The following PDZK1 variants were observed in gnomAD, a reference collection of about 807,000 sequenced individuals.
PDZK1 encodes PDZ domain containing 1, also known as Na(+)/H(+) exchange regulatory cofactor NHE-RF3.
A neutral mutation model predicts 38.1 loss-of-function variants in PDZK1; 23 were observed. The ratio of observed to expected loss-of-function variants is 0.60; its 90% CI spans 0.43 to 0.85. PDZK1 has a LOEUF of 0.85. Among genes scored for constraint, PDZK1 ranks in the 40% least tolerant of loss-of-function variants. The pLI is 0.00. For synonymous variants in PDZK1, 98 were observed against 186.2 expected, an observed-to-expected ratio of 0.53 and a Z score of 3.86; for missense variants, 297 against 504.3, an observed-to-expected ratio of 0.59 and a Z score of 3.94.
chr1:145,693,570 C>T (rs892656386), intron 1 of PDZK1, among the ~76,000 whole-genome samples: 2 of 151,996 alleles, frequency 1.3e-5, no homozygotes, highest in African/African-American at 4.8e-5. Context: ...GTCAGGAGAT[C>T]GATACCATCC....
Position 145,676,963 on chromosome 1 carries a change from A to G in PDZK1, c.990+1486T>C, listed in dbSNP as rs1257245502. ...AGGCATTATTCTACATGCTCTGAAT[A>G]TTCCAATTCAACCCTCATAGCCACC... On this transcript the variant is annotated intron_variant, in intron 6 of 8. Transcript: ENST00000417171. 2.0e-5 allele frequency among the ~76,000 whole-genome samples: 3 copies of G among 152,122 alleles called. No individual in the cohort carries two copies. The East Asian group carries it at 5.8e-4, about 29-fold the overall frequency.
chr1:145,699,417 AAACT>A (rs2101931497), intron 1 of PDZK1, among the ~76,000 whole-genome samples: 1 of 152,258 alleles, frequency 6.6e-6, no homozygotes, highest in African/African-American at 2.4e-5. Flanking sequence ...ACTCCATCTC[AAACT>A]AACAAGCCCA....
intron 5 of PDZK1, among the ~76,000 whole-genome samples, chr1:145,680,604 A>G (rs1299236994): frequency 6.6e-6 from 1 of 152,026 alleles, no homozygotes; most frequent in East Asian, 1.9e-4. Flanking sequence ...TTTACATCAC[A>G]AAATACTACC....
intron 1 of PDZK1, among the ~76,000 whole-genome samples, chr1:145,694,729 T>G (rs2101921043): frequency 6.6e-6 from 1 of 151,580 alleles, no homozygotes; most frequent in South Asian, 2.1e-4. Flanking sequence ...AAACCCTGTC[T>G]CTACTAAAAA....
intron 1 of PDZK1, among the ~76,000 whole-genome samples, chr1:145,704,062 C>G (rs912662538): frequency 3.3e-5 from 5 of 152,058 alleles, no homozygotes; most frequent in Admixed American, 2.6e-4. Flanking sequence ...CTCCTGACCT[C>G]AAGTGATCCA....
chr1:145,703,862 C>T (rs944566596), intron 1 of PDZK1, among the ~76,000 whole-genome samples: 1 of 151,598 alleles, frequency 6.6e-6, no homozygotes, highest in Non-Finnish European at 1.5e-5. Context: ...GAATCTTGCT[C>T]TTGTGGTCCA....
chr1:145,700,686 C>A (rs1309394904), intron 1 of PDZK1, among the ~76,000 whole-genome samples: 1 of 152,212 alleles, frequency 6.6e-6, no homozygotes, highest in Non-Finnish European at 1.5e-5. Flanking sequence ...AGGAAAGAAA[C>A]AGCCCAGGTA....
intron 1 of PDZK1, among the ~76,000 whole-genome samples, chr1:145,692,682 G>A (rs1655314746): frequency 6.7e-6 from 1 of 149,976 alleles, no homozygotes; most frequent in Non-Finnish European, 1.5e-5. Context: ...GTGCACTCCA[G>A]CTCGACAACA....
At chr1:145,687,302 G>A (rs960550177) in intron 2 of PDZK1, among the ~76,000 whole-genome samples, 2 of 151,134 alleles carry the variant, frequency 1.3e-5, no homozygotes, top group Non-Finnish European at 2.9e-5. Flanking sequence ...GGCGGATCAC[G>A]AGGTCAGGAG....
At chr1:145,701,997 T>C (rs781918945) in intron 1 of PDZK1, among the ~76,000 whole-genome samples, 36 of 152,226 alleles carry the variant, frequency 2.4e-4, no homozygotes, top group Non-Finnish European at 4.0e-4. Flanking sequence ...TTCTAAAATA[T>C]GTATTTGCCT....
intron 2 of PDZK1, among the ~76,000 whole-genome samples, chr1:145,687,456 T>C (rs1420617085): frequency 1.6e-5 from 2 of 124,078 alleles, no homozygotes; most frequent in East Asian, 2.3e-4. Context: ...ACCCGGGAGG[T>C]AGAGCTTGCA....
intron 1 of PDZK1, among the ~76,000 whole-genome samples, chr1:145,692,670 C>T (rs1330778283): frequency 6.7e-6 from 1 of 149,194 alleles, no homozygotes; most frequent in Non-Finnish European, 1.5e-5. Context: ...AAAATCGTGC[C>T]AGTGCACTCC....
chr1:145,695,263 A>C (rs1283526439), intron 1 of PDZK1, among the ~76,000 whole-genome samples: 1 of 151,978 alleles, frequency 6.6e-6, no homozygotes, highest in Non-Finnish European at 1.5e-5. Flanking sequence ...TCTACCAAAA[A>C]ATACAAAAAT....
intron 1 of PDZK1, among the ~76,000 whole-genome samples, chr1:145,702,870 G>T (rs1571645654): frequency 6.6e-6 from 1 of 152,116 alleles, no homozygotes; most frequent in African/African-American, 2.4e-5. Flanking sequence ...CCCAGCCTGG[G>T]CAACAGAGCA....
chr1:145,688,586 A>G (rs587750037), intron 1 of PDZK1, among the ~76,000 whole-genome samples: 24 of 152,246 alleles, frequency 1.6e-4, no homozygotes, highest in African/African-American at 5.8e-4. Context: ...AACAAAGAAC[A>G]TTTCCTGAAG....
At chr1:145,698,727 G>A (rs928477961) in intron 1 of PDZK1, among the ~76,000 whole-genome samples, 6 of 152,034 alleles carry the variant, frequency 3.9e-5, no homozygotes, top group South Asian at 2.1e-4. Context: ...TCAGGAGTTC[G>A]AGACCAGCTT....
chr1:145,678,048 A>G (rs1232623315), intron 6 of PDZK1, among the ~76,000 whole-genome samples: 3 of 115,702 alleles, frequency 2.6e-5, no homozygotes, highest in Non-Finnish European at 3.5e-5. Flanking sequence ...TTTATTTGCT[A>G]AGGGCTTACA....
intron 6 of PDZK1, among the ~76,000 whole-genome samples, chr1:145,677,113 C>A (rs1249161860): frequency 1.3e-5 from 2 of 152,170 alleles, no homozygotes; most frequent in African/African-American, 4.8e-5. Context: ...ATGGTCATCT[C>A]TAGAAGCCAA....
chr1:145,688,586 A>T (rs587750037), intron 1 of PDZK1, among the ~76,000 whole-genome samples: 1 of 152,128 alleles, frequency 6.6e-6, no homozygotes, highest in African/African-American at 2.4e-5. Context: ...AACAAAGAAC[A>T]TTTCCTGAAG....
Sources: gnomAD v4.1 joint callset for allele counts (sites outside exome capture counted in the v4.1 genomes callset) on GRCh38, gnomAD v4.1.1 for gene constraint, MANE v1.5 for transcripts, NCBI Gene and HGNC (gene_info 2026-07-23, HGNC 2026-07-21) for gene names.